The following ZMYM6 variants were observed in gnomAD, a reference collection of about 807,000 sequenced individuals.
ZMYM6 encodes zinc finger MYM-type protein 6.
Under a neutral mutation model 134.0 loss-of-function variants are expected in ZMYM6, and 90 were observed. The ratio of observed to expected loss-of-function variants is 0.67; its 90% CI spans 0.57 to 0.80. The LOEUF (loss-of-function observed/expected upper bound fraction) is 0.80. Among genes scored for constraint, ZMYM6 ranks in the 30% least tolerant of loss-of-function variants. The pLI is 0.00. For missense variants in ZMYM6, 1,362 were observed against 1,533.9 expected (o/e 0.89, Z 1.87); for synonymous variants, 481 against 524.1 (o/e 0.92, Z 1.12).
intron 4 of ZMYM6, among the ~76,000 whole-genome samples, chr1:35,016,213 T>C (rs1641185832): frequency 6.6e-6 from 1 of 152,072 alleles, no homozygotes; most frequent in Non-Finnish European, 1.5e-5. Context: ...CCTCCCAAAG[T>C]GTTGGGATTA....
chr1:35,027,910 C>T (rs755247446), intron 2 of ZMYM6, among the ~76,000 whole-genome samples: 10 of 152,144 alleles, frequency 6.6e-5, no homozygotes, highest in Non-Finnish European at 1.2e-4. Context: ...CACCATCCCC[C>T]ACTCCACATC....
Position 34,986,394 on chromosome 1 carries a change from A to G in ZMYM6, c.*710T>C, listed in dbSNP as rs1640578488. 1 of 152,198 alleles carries G rather than the reference A, an allele frequency of 6.6e-6. No individual in the cohort carries two copies. Among genetic ancestry groups the G allele is most frequent in the Non-Finnish European group, 1.5e-5 (1 of 68,038 alleles). 9.4% of individuals were successfully genotyped at this position (152,198 alleles called of 1,614,324 possible). On this transcript the variant is annotated 3_prime_UTR_variant, in exon 16 of 16. Coordinates refer to ENST00000357182, the MANE Select transcript of ZMYM6 (RefSeq NM_007167.4). ...TCAAATCCCCCTGCTGCTTCCATTTATAGTTACCCAAGCTGCTTAGATCTA... is the reference window on the plus strand; with the variant it reads ...TCAAATCCCCCTGCTGCTTCCATTTGTAGTTACCCAAGCTGCTTAGATCTA...
At chr1:35,000,976 A>T (rs1423960190) in intron 14 of ZMYM6, among the ~76,000 whole-genome samples, 1 of 152,152 alleles carries the variant, frequency 6.6e-6, no homozygotes, top group Non-Finnish European at 1.5e-5. Context: ...TTTGTAAATA[A>T]AATTTTACTG....
At chr1:35,006,605 T>C (rs1640971168) in intron 12 of ZMYM6, among the ~76,000 whole-genome samples, 1 of 152,232 alleles carries the variant, frequency 6.6e-6, no homozygotes, top group African/African-American at 2.4e-5. Flanking sequence ...TTTGCCCTGA[T>C]TTTCTGTTTT....
chr1:34,988,144 TAC>T lies in ZMYM6; in HGVS notation c.2936_2937del (p.Cys979TyrfsTer36). Reference protein sequence around the residue: ...SLNWKHCVGLCTDGAASMTGR... With the variant: ...SLNWKHCVGLXTDGAASMTGR... ...CCAGTCATGCTTGCAGCCCCATCGG[TAC>T]AGAGACCAACACAATGTTTCCAATT... On this transcript the variant is annotated frameshift_variant, in exon 16 of 16. Coordinates refer to ENST00000357182, the MANE Select transcript of ZMYM6 (RefSeq NM_007167.4). LOFTEE classifies it high-confidence loss of function. 2 of 1,551,424 alleles carry T rather than the reference TAC, an allele frequency of 1.3e-6. No individual in the cohort carries two copies. The highest frequency in any genetic ancestry group is 1.7e-6 in the Non-Finnish European group (2 of 1,146,966).
chr1:35,020,456 A>T lies in ZMYM6; in HGVS notation c.105T>A (p.Cys35Ter). The change falls in exon 3 of 16, where the codon TGT (cysteine) becomes TGA (stop). Residue 35 changes from cysteine to a stop codon, truncating the protein, a stop_gained. Transcript: ENST00000357182. LOFTEE classifies it high-confidence loss of function. ...EEPDNAQEYG[C>*]VQQPKTQESK... The stretch of plus-strand genomic sequence containing the variant: ...TTTCTTGAGTTTTTGGCTGTTGGAC[A>T]CATCCATACTCCTTTAAAAAAAAAA... 6.2e-7 allele frequency: 1 copy of T among 1,604,450 alleles called. No individual in the cohort carries two copies.
intron 15 of ZMYM6, among the ~76,000 whole-genome samples, chr1:34,991,317 AT>A (rs1214231727): frequency 6.6e-6 from 1 of 152,210 alleles, no homozygotes; most frequent in Admixed American, 6.5e-5. Flanking sequence ...CAAATAATAT[AT>A]TGTTTTAATA....
At chr1:34,994,925 GAC>G (rs1640748188) in intron 14 of ZMYM6, among the ~76,000 whole-genome samples, 1 of 125,768 alleles carries the variant, frequency 8.0e-6, no homozygotes. Context: ...TGTATATATA[GAC>G]ATATATATAT....
At chr1:35,008,346 C>CT (rs1569769331) in intron 11 of ZMYM6, among the ~76,000 whole-genome samples, 1 of 152,262 alleles carries the variant, frequency 6.6e-6, no homozygotes, top group East Asian at 1.9e-4. Flanking sequence ...AAAAGTTAAT[C>CT]TTTTTAAAAA....
At chr1:34,996,298 A>G (rs953493012) in intron 14 of ZMYM6, among the ~76,000 whole-genome samples, 2 of 152,000 alleles carry the variant, frequency 1.3e-5, no homozygotes, top group African/African-American at 4.8e-5. Context: ...GTAGTTAGAT[A>G]TTTTTCACAT....
At chr1:35,012,245 T>C (rs1641100667) in intron 7 of ZMYM6, among the ~76,000 whole-genome samples, 186 bp downstream of exon 7, 1 of 152,188 alleles carries the variant, frequency 6.6e-6, no homozygotes, top group Non-Finnish European at 1.5e-5. Flanking sequence ...TAAAATACTG[T>C]ATATATTGCA....
chr1:35,015,743 A>AAAAAAAAAAAAAAAATATAT, intron 4 of ZMYM6, among the ~76,000 whole-genome samples: 1 of 106,476 alleles, frequency 9.4e-6, no homozygotes, highest in African/African-American at 6.6e-5. Flanking sequence ...AAAAAAAAAA[A>AAAAAAAAAAAAAAAATATAT]ATATATATAT....
chr1:35,003,885 T>C, intron 14 of ZMYM6, 83 bp downstream of exon 14: 1 of 1,251,728 alleles, frequency 8.0e-7, no homozygotes, highest in Non-Finnish European at 1.2e-6. Flanking sequence ...AAGAAAAGTA[T>C]TCAGATATAT....
rs1263414306 is a variant in ZMYM6 at position 34,987,326 on chromosome 1, A to G, written c.3756T>C (p.Ser1252=). The G allele has an allele frequency of 1.2e-6, 2 of 1,612,656 alleles. No homozygotes were observed. Among genetic ancestry groups the G allele is most frequent in the East Asian group, 2.2e-5 (1 of 44,862 alleles). ...LGLQALFKSV[S]VTQFWINAKT... ...TTGCATTTATCCAAAACTGAGTTAC[A>G]GACACTGATTTAAATAGTGCTTGTA... Residue 1252 remains serine, a synonymous_variant, in exon 16 of 16, where the codon TCT becomes TCC. Coordinates refer to ENST00000357182, the MANE Select transcript of ZMYM6 (RefSeq NM_007167.4).
intron 2 of ZMYM6, among the ~76,000 whole-genome samples, chr1:35,025,322 C>A (rs1227053079): frequency 6.6e-6 from 1 of 151,556 alleles, no homozygotes; most frequent in African/African-American, 2.4e-5. Context: ...CAAAAATTAG[C>A]CAGGTGTGGT....
chr1:35,010,128 G>A (rs1641058368), intron 10 of ZMYM6, among the ~76,000 whole-genome samples: 1 of 152,010 alleles, frequency 6.6e-6, no homozygotes, highest in South Asian at 2.1e-4. Flanking sequence ...TCCTGCCTCA[G>A]GCTCCCAAGT....
chr1:35,020,971 C>T (rs1490528929), intron 2 of ZMYM6, among the ~76,000 whole-genome samples: 1 of 152,034 alleles, frequency 6.6e-6, no homozygotes, highest in Non-Finnish European at 1.5e-5. Context: ...GACAATCTTT[C>T]AGAATTAGAG....
rs960048586 is a variant in ZMYM6 at position 34,992,828 on chromosome 1, T to A, written c.1993-441A>T. Among the ~76,000 whole-genome samples, 5 of 145,200 alleles carry A rather than the reference T, an allele frequency of 3.4e-5. No homozygotes were observed. In the South Asian group the frequency reaches 8.4e-4, roughly 25 times the overall value. On this transcript the variant is annotated intron_variant, in intron 14 of 15. Coordinates refer to ENST00000357182, the MANE Select transcript of ZMYM6 (RefSeq NM_007167.4). ...TAAAAATATACTTATAAACTATAAA[T>A]ATAAAAATATACTTATAAACTATAA...
chr1:35,023,170 G>A (rs905976936), intron 2 of ZMYM6, among the ~76,000 whole-genome samples: 3 of 151,712 alleles, frequency 2.0e-5, no homozygotes, highest in Admixed American at 6.6e-5. Flanking sequence ...GTGCAATGGC[G>A]GATCTCAGCT....
Sources: allele counts gnomAD v4.1 joint callset (sites outside exome capture counted in the v4.1 genomes callset), GRCh38; gene constraint gnomAD v4.1.1; transcripts MANE v1.5; gene names NCBI Gene and HGNC (gene_info 2026-07-23, HGNC 2026-07-21).